PTPRE: variants seen among roughly 807,000 people sequenced by gnomAD.
The protein encoded by PTPRE is receptor-type tyrosine-protein phosphatase epsilon.
Under a neutral mutation model 102.0 loss-of-function variants are expected in PTPRE, and 51 were observed. The observed-to-expected ratio is 0.50, with a 90% CI of 0.40 to 0.63. The LOEUF (loss-of-function observed/expected upper bound fraction) is 0.63. Among genes scored for constraint, PTPRE ranks in the 30% least tolerant of loss-of-function variants. PTPRE has a pLI of 0.00. For synonymous variants in PTPRE, 345 were observed against 348.2 expected (o/e 0.99, Z 0.10); for missense variants, 752 against 915.1 (o/e 0.82, Z 2.30).
chr10:127,938,989 C>T (rs561171015), intron 1 of PTPRE, among the ~76,000 whole-genome samples: 23 of 152,300 alleles, frequency 1.5e-4, no homozygotes, highest in African/African-American at 5.5e-4. Context: ...ACCAGATCTT[C>T]GCTGAAGAAC....
intron 12 of PTPRE, 24 bp downstream of exon 12, chr10:128,068,310 G>A (rs753775403): frequency 2.1e-5 from 34 of 1,599,790 alleles, no homozygotes; most frequent in African/African-American, 9.4e-5. Context: ...GCCACGGGGC[G>A]GGACCCTCAA....
chr10:127,982,989 G>A (rs11015991), intron 2 of PTPRE, among the ~76,000 whole-genome samples: 38,446 of 152,208 alleles, frequency 0.25, 4,875 homozygotes, highest in Non-Finnish European at 0.27. Context: ...TGAGTGGCAC[G>A]TGGACTTCTG....
At chr10:128,071,201 G>A (rs1330148242) in intron 15 of PTPRE, 1 of 430,408 alleles carries the variant, frequency 2.3e-6, no homozygotes, top group Non-Finnish European at 4.2e-6. Flanking sequence ...CACAGAAGCT[G>A]GAGATTTGCG....
rs886250964 is a variant in PTPRE at position 128,028,712 on chromosome 10, C to A, written c.-7-12163C>A. ...GGTTCTGATGCCTTCATTCCCAGAA[C>A]ACGAAGCCAAGGCCAGGAGTCGGGA... On this transcript the variant is annotated intron_variant, in intron 2 of 20. Coordinates refer to ENST00000254667, the MANE Select transcript of PTPRE (RefSeq NM_006504.6). This position sits in a 1 kb window ranked among gnomAD's most constrained non-coding sequence, Gnocchi z 4.5. 2.6e-5 allele frequency among the ~76,000 whole-genome samples: 4 copies of A among 152,156 alleles called. No homozygotes were observed. The highest frequency in any genetic ancestry group is 1.3e-4 in the Admixed American group (2 of 15,282).
Position 128,063,074 on chromosome 10 carries a change from T to C in PTPRE, c.626-9T>C. The C allele has an allele frequency of 1.9e-6, 3 of 1,614,170 alleles. No homozygotes were observed. The highest frequency in any genetic ancestry group is 1.1e-5 in the South Asian group (1 of 91,074). On this transcript the variant is annotated splice_polypyrimidine_tract_variant and intron_variant, in intron 9 of 20. Coordinates refer to ENST00000254667, the MANE Select transcript of PTPRE (RefSeq NM_006504.6). ...GCCTTTTGACTTCGAAATTGTCCTC[T>C]ACACACAGGTCCCAAACAGGAAACG... is the stretch of plus-strand genomic sequence containing the variant.
intron 2 of PTPRE, among the ~76,000 whole-genome samples, chr10:128,032,829 T>C (rs1846885092): frequency 1.3e-5 from 2 of 152,234 alleles, no homozygotes; most frequent in Admixed American, 1.3e-4. Flanking sequence ...CTGAACTCTC[T>C]TCTTCCATGG....
At chr10:127,929,069 G>A (rs750919346) in intron 1 of PTPRE, among the ~76,000 whole-genome samples, 5 of 152,164 alleles carry the variant, frequency 3.3e-5, no homozygotes, top group Non-Finnish European at 5.9e-5. Context: ...AATTACACAC[G>A]TGCTACTTAA....
At chr10:127,945,722 G>A (rs1358556192) in intron 1 of PTPRE, among the ~76,000 whole-genome samples, 2 of 152,198 alleles carry the variant, frequency 1.3e-5, no homozygotes, top group East Asian at 1.9e-4. Context: ...AGGTCATTTG[G>A]TTTTTCTCAG....
At chr10:128,031,428 C>T (rs1846747553) in intron 2 of PTPRE, among the ~76,000 whole-genome samples, 1 of 152,214 alleles carries the variant, frequency 6.6e-6, no homozygotes, top group South Asian at 2.1e-4. Flanking sequence ...TCCAACATTC[C>T]CAACACTTCC....
intron 1 of PTPRE, among the ~76,000 whole-genome samples, chr10:127,955,538 T>G (rs1849343238): frequency 6.6e-6 from 1 of 152,232 alleles, no homozygotes; most frequent in Admixed American, 6.5e-5. Flanking sequence ...TTATTTTCAT[T>G]CCTCTCTTAT....
rs1383006590 is a variant in PTPRE, at chr10:128,069,796, G to T, written c.1112G>T (p.Arg371Leu). Residue 371 changes from arginine (R) to leucine (L), a missense_variant, in exon 13 of 21, where the codon CGT (arginine) becomes CTT (leucine). This residue lies in a region of PTPRE where 636 missense variants were observed against 824.4 expected (regional missense o/e 0.77). Transcript: ENST00000254667. The part of the protein sequence containing the change: ...VDVFEFVSRI[R>L]NQRPQMVQTD... Reference sequence around the variant, plus strand: ...GTGTTTGAATTTGTGTCTCGAATCCGTAATCAGCGCCCTCAGATGGTTCAA... The same window carrying T: ...GTGTTTGAATTTGTGTCTCGAATCCTTAATCAGCGCCCTCAGATGGTTCAA... The T allele has an allele frequency of 6.2e-7, 1 of 1,614,208 alleles. No homozygotes were observed. Among genetic ancestry groups the T allele is most frequent in the Admixed American group, 1.7e-5 (1 of 60,028 alleles).
chr10:127,929,143 A>G (rs1256861374), intron 1 of PTPRE, among the ~76,000 whole-genome samples: 1 of 152,234 alleles, frequency 6.6e-6, no homozygotes, highest in Non-Finnish European at 1.5e-5. Flanking sequence ...GAACCATTGT[A>G]TTTGGAGGAA....
At position 128,070,902 on chromosome 10, in the gene PTPRE, G is replaced by A; in HGVS notation, c.1387+1G>A. The stretch of plus-strand genomic sequence containing the variant: ...GCCAGGGTCATCCAGATCATCCCGT[G>A]TAAGGCACCCGTGGCGTGGCTTGGG... On this transcript the variant is annotated splice_donor_variant, in intron 15 of 20. Transcript: ENST00000254667. LOFTEE classifies it high-confidence loss of function. This position sits in a 1 kb window ranked among gnomAD's most constrained non-coding sequence, Gnocchi z 4.8. 1 of 1,613,204 alleles carries A rather than the reference G, an allele frequency of 6.2e-7. No individual in the cohort carries two copies. Among genetic ancestry groups the A allele is most frequent in the Non-Finnish European group, 8.5e-7 (1 of 1,179,144 alleles).
chr10:128,008,445 G>C lies in PTPRE; in HGVS notation c.-8+26149G>C, dbSNP rs1844695364. Among the ~76,000 whole-genome samples the C allele has an allele frequency of 6.6e-6, 1 of 152,208 alleles. No individual in the cohort carries two copies. Among genetic ancestry groups the C allele is most frequent in the Non-Finnish European group, 1.5e-5 (1 of 68,038 alleles). ...CTAGAGATGCTTAGCAAAAGTTTCAGTAGCCAGGGATAATGTCAAACAGCC... is the reference window on the plus strand; with the variant it reads ...CTAGAGATGCTTAGCAAAAGTTTCACTAGCCAGGGATAATGTCAAACAGCC... On this transcript the variant is annotated intron_variant, in intron 2 of 20. Transcript: ENST00000254667. This position sits in a 1 kb window ranked among gnomAD's most constrained non-coding sequence, Gnocchi z 4.0.
rs745958256 is a variant in PTPRE, at chr10:128,077,612, T to G, written c.1726-5T>G. 3.1e-6 allele frequency: 5 copies of G among 1,600,094 alleles called. No homozygotes were observed. In the East Asian group the frequency reaches 1.1e-4, roughly 36 times the overall value. ...CGACGCTGAGACCCCCTCTCCTCCC[T>G]GCAGCCCCAGGCCCGCCAGGAGGAG... On this transcript the variant is annotated splice_polypyrimidine_tract_variant and splice_region_variant and intron_variant, in intron 18 of 20. Coordinates refer to ENST00000254667, the MANE Select transcript of PTPRE (RefSeq NM_006504.6).
chr10:128,053,071 A>G (rs146970685), intron 6 of PTPRE, among the ~76,000 whole-genome samples: 1,800 of 152,226 alleles, frequency 0.012, 25 homozygotes, highest in Middle Eastern at 0.034. Context: ...CAACATGGTG[A>G]AACCCCATCT....
At chr10:128,000,764 G>A (rs1413682559) in intron 2 of PTPRE, among the ~76,000 whole-genome samples, 8 of 152,208 alleles carry the variant, frequency 5.3e-5, no homozygotes. Flanking sequence ...AAGTGAAGGA[G>A]GCCCTACAAG....
At chr10:128,043,478 ACCT>A (rs1318685061) in intron 3 of PTPRE, among the ~76,000 whole-genome samples, 5 of 152,112 alleles carry the variant, frequency 3.3e-5, no homozygotes, top group African/African-American at 9.7e-5. Context: ...CCTGCCACTC[ACCT>A]CCTGCTGTGT....
chr10:128,063,049 G>A (rs745312634), intron 9 of PTPRE, 34 bp from the exon 10 acceptor site: 1 of 1,612,878 alleles, frequency 6.2e-7, no homozygotes, highest in Non-Finnish European at 8.5e-7. Context: ...TTCCCTTCAT[G>A]CCTTTTGACT....
Sources: allele counts gnomAD v4.1 joint callset (sites outside exome capture counted in the v4.1 genomes callset), GRCh38; gene constraint gnomAD v4.1.1; regional missense constraint gnomAD v4.1.1; non-coding constraint Gnocchi (gnomAD v3.1); transcripts MANE v1.5; gene names NCBI Gene and HGNC (gene_info 2026-07-23, HGNC 2026-07-21).